FERMT2: variants seen among roughly 807,000 people sequenced by gnomAD.
The protein encoded by FERMT2 is fermitin family homolog 2.
Under a neutral mutation model 82.7 loss-of-function variants are expected in FERMT2, and 15 were observed. The observed-to-expected ratio is 0.18, with a 90% CI of 0.12 to 0.28. The LOEUF (loss-of-function observed/expected upper bound fraction) is 0.28. Ranked by LOEUF, FERMT2 falls within the 10% of genes least tolerant of loss-of-function variation. The pLI is 1.00. For synonymous variants in FERMT2, 274 were observed against 271.5 expected (o/e 1.01, Z -0.09); for missense variants, 645 against 809.4 (o/e 0.80, Z 2.46).
chr14:52,937,652 T>C (rs1319573853), intron 2 of FERMT2, among the ~76,000 whole-genome samples: 4 of 152,348 alleles, frequency 2.6e-5, no homozygotes, highest in Non-Finnish European at 2.9e-5. Context: ...CATATAATAG[T>C]TGGCTCTCCG....
intron 13 of FERMT2, 28 bp downstream of exon 13, chr14:52,860,313 T>C: frequency 6.2e-7 from 1 of 1,609,608 alleles, no homozygotes. Flanking sequence ...AGATTAAGGT[T>C]TACACATAGA....
chr14:52,938,040 T>C (rs989202188), intron 2 of FERMT2, among the ~76,000 whole-genome samples: 9 of 152,208 alleles, frequency 5.9e-5, no homozygotes, highest in African/African-American at 2.2e-4. Flanking sequence ...ACACTTATTT[T>C]GTTTATAAGG....
intron 2 of FERMT2, among the ~76,000 whole-genome samples, chr14:52,934,762 T>C (rs1383588117): frequency 6.6e-6 from 1 of 152,262 alleles, no homozygotes; most frequent in African/African-American, 2.4e-5. Flanking sequence ...CTATCACTTC[T>C]AGTATTTCAT....
intron 4 of FERMT2, among the ~76,000 whole-genome samples, chr14:52,882,185 AGT>A (rs1459743812): frequency 6.6e-6 from 1 of 152,248 alleles, no homozygotes; most frequent in African/African-American, 2.4e-5. Context: ...AAGTCTTCTC[AGT>A]GAATAAACAG....
chr14:52,901,364 G>T (rs8014470), intron 3 of FERMT2, among the ~76,000 whole-genome samples: 121,647 of 150,894 alleles, frequency 0.81, 49,240 homozygotes, highest in East Asian at 1. Flanking sequence ...AAGGCTTCTG[G>T]GGTGGGCAGA....
rs865897384 is a variant in FERMT2, at chr14:52,877,578, T to A, written c.963+1004A>T. On this transcript the variant is annotated intron_variant, in intron 7 of 14. Coordinates refer to ENST00000341590, the MANE Select transcript of FERMT2 (RefSeq NM_006832.3). ...GGTGAAAATTAGCTGTTCTTGCTTT[T>A]TTTTTTTTTTTTTTTTTTTTGCTAA... Among the ~76,000 whole-genome samples the A allele has an allele frequency of 1.2e-3, 149 of 125,108 alleles. 1 individual carries two copies. The highest frequency in any genetic ancestry group is 5.2e-3 in the African/African-American group (136 of 26,050). 82.1% of individuals were successfully genotyped at this position (125,108 alleles called of 152,430 possible).
chr14:52,873,031 C>A (rs747548392), intron 9 of FERMT2, 108 bp from the exon 10 acceptor site: 4 of 1,073,544 alleles, frequency 3.7e-6, no homozygotes, highest in Non-Finnish European at 5.5e-6. Context: ...AAGTTTTACA[C>A]GTGCTGAAAT....
intron 2 of FERMT2, among the ~76,000 whole-genome samples, chr14:52,947,856 G>A (rs985012628): frequency 6.6e-6 from 1 of 152,156 alleles, no homozygotes; most frequent in Non-Finnish European, 1.5e-5. Flanking sequence ...AATGTTGAGG[G>A]AATAGGTCAT....
intron 2 of FERMT2, among the ~76,000 whole-genome samples, chr14:52,927,479 T>C (rs1178693637): frequency 6.6e-6 from 1 of 150,970 alleles, no homozygotes; most frequent in East Asian, 1.9e-4. Flanking sequence ...GACGCAATTA[T>C]TGGCCAGGCT....
intron 4 of FERMT2, among the ~76,000 whole-genome samples, chr14:52,889,378 T>C (rs1324669902): frequency 2.0e-5 from 3 of 152,122 alleles, no homozygotes; most frequent in African/African-American, 4.8e-5. Flanking sequence ...AACTGAGGAA[T>C]AGTACACAGA....
At chr14:52,890,343 C>T (rs2139532760) in intron 4 of FERMT2, among the ~76,000 whole-genome samples, 1 of 149,044 alleles carries the variant, frequency 6.7e-6, no homozygotes, top group East Asian at 2.1e-4. Context: ...ACTCAGGAGG[C>T]TGAGGCAGGA....
intron 2 of FERMT2, among the ~76,000 whole-genome samples, chr14:52,932,596 G>A (rs1231525888): frequency 1.3e-5 from 2 of 152,090 alleles, no homozygotes; most frequent in African/African-American, 4.8e-5. Flanking sequence ...TGAATGCAAA[G>A]AAGCAATTAA....
At chr14:52,896,123 G>A (rs1887239110) in intron 3 of FERMT2, among the ~76,000 whole-genome samples, 1 of 152,140 alleles carries the variant, frequency 6.6e-6, no homozygotes, top group Non-Finnish European at 1.5e-5. Context: ...ACAAGGAGAC[G>A]GAAAATTTTC....
chr14:52,904,410 A>G (rs1223491050), intron 3 of FERMT2, among the ~76,000 whole-genome samples: 133 of 151,966 alleles, frequency 8.8e-4, no homozygotes, highest in African/African-American at 3.2e-3. Flanking sequence ...CCAGCTACTC[A>G]AGAGGCTGAG....
At chr14:52,861,713 ATTC>A (rs1223204684) in intron 12 of FERMT2, 1 of 152,668 alleles carries the variant, frequency 6.6e-6, no homozygotes, top group Non-Finnish European at 1.5e-5. Context: ...ATATAGAATA[ATTC>A]TTCAAAATTT....
chr14:52,906,515 G>A (rs566038383), intron 3 of FERMT2, among the ~76,000 whole-genome samples: 4 of 136,378 alleles, frequency 2.9e-5, no homozygotes, highest in Admixed American at 1.6e-4. Context: ...CCACTATGAC[G>A]CATAATGACA....
In FERMT2 at chr14:52,945,796, T is replaced by C. The variant is rs180987104; in HGVS notation, c.157+4616A>G. Among the ~76,000 whole-genome samples, 807 of 152,266 alleles carry C rather than the reference T, an allele frequency of 5.3e-3. 5 individuals are homozygous for C. Among genetic ancestry groups the C allele is most frequent in the Middle Eastern group, 0.02 (6 of 294 alleles). On this transcript the variant is annotated intron_variant, in intron 2 of 14. Transcript: ENST00000341590. Reference sequence around the variant, plus strand: ...CCAGATTATAATAAATTCCTTATTCTCCGTTTAAAATGAATTTTTATAGAA... The same window carrying C: ...CCAGATTATAATAAATTCCTTATTCCCCGTTTAAAATGAATTTTTATAGAA...
At chr14:52,938,874 A>C (rs1247849284) in intron 2 of FERMT2, among the ~76,000 whole-genome samples, 1 of 152,158 alleles carries the variant, frequency 6.6e-6, no homozygotes, top group Non-Finnish European at 1.5e-5. Context: ...TCTAACCAGA[A>C]TATTGAATTT....
chr14:52,914,291 G>A (rs1157983394), intron 3 of FERMT2, among the ~76,000 whole-genome samples: 2 of 151,628 alleles, frequency 1.3e-5, no homozygotes, highest in Admixed American at 6.6e-5. Flanking sequence ...GACTATTTGA[G>A]CCCAGGAGGT....
Sources: allele counts gnomAD v4.1 joint callset (sites outside exome capture counted in the v4.1 genomes callset), GRCh38; gene constraint gnomAD v4.1.1; transcripts MANE v1.5; gene names NCBI Gene and HGNC (gene_info 2026-07-23, HGNC 2026-07-21).